The following IPCEF1 variants were observed in gnomAD, a reference collection of about 807,000 sequenced individuals.
The protein encoded by IPCEF1 is interaction protein for cytohesin exchange factors 1, also known as interactor protein for cytohesin exchange factors 1.
A neutral mutation model predicts 50.9 loss-of-function variants in IPCEF1; 31 were observed. That is an observed-to-expected ratio of 0.61 (90% confidence interval 0.46 to 0.82). IPCEF1 has a LOEUF of 0.82. Ranked by LOEUF, IPCEF1 falls within the 40% of genes least tolerant of loss-of-function variation. IPCEF1 has a pLI of 0.00. For missense variants in IPCEF1, 458 were observed against 514.0 expected (o/e 0.89, Z 1.05); for synonymous variants, 181 against 192.0 (o/e 0.94, Z 0.47).
At position 154,331,370 on chromosome 6, in the gene IPCEF1, G is replaced by GAAAGAAAGAAAGAAAGAAA. The variant is rs149419612; in HGVS notation, c.-62+25301_-62+25302insTTTCTTTCTTTCTTTCTTT. On this transcript the variant is annotated intron_variant, in intron 1 of 11. Transcript: ENST00000367220. ...GGGGAAGGAAAGAGAAAGAAAGAAA[G>GAAAGAAAGAAAGAAAGAAA]GAAAGAAAGAAAGAAAGAAAGAAAG... 8.7e-3 allele frequency among the ~76,000 whole-genome samples: 979 copies of GAAAGAAAGAAAGAAAGAAA among 111,962 alleles called. 13 individuals carry two copies. Among genetic ancestry groups the GAAAGAAAGAAAGAAAGAAA allele is most frequent in the Middle Eastern group, 0.013 (3 of 236 alleles). 73.5% of individuals were successfully genotyped at this position (111,962 alleles called of 152,430 possible).
chr6:154,229,811 G>A (rs1779583441), intron 5 of IPCEF1, among the ~76,000 whole-genome samples: 1 of 152,198 alleles, frequency 6.6e-6, no homozygotes, highest in African/African-American at 2.4e-5. Context: ...CCTAGAACTG[G>A]AAACAACCTA....
intron 1 of IPCEF1, among the ~76,000 whole-genome samples, chr6:154,326,786 G>A (rs1783531163): frequency 6.6e-6 from 1 of 152,130 alleles, no homozygotes; most frequent in South Asian, 2.1e-4. Flanking sequence ...AACAAAGCTG[G>A]AGACATTATG....
intron 7 of IPCEF1, among the ~76,000 whole-genome samples, chr6:154,215,938 T>C (rs1193321371): frequency 1.3e-5 from 2 of 152,292 alleles, no homozygotes; most frequent in Admixed American, 1.3e-4. Flanking sequence ...TTTTCACCAC[T>C]GGATTGGAAA....
rs374743291 is a variant in IPCEF1 at position 154,333,951 on chromosome 6, T to C, written c.-62+22721A>G. On this transcript the variant is annotated intron_variant, in intron 1 of 11. Transcript: ENST00000367220. ...GAGAGAGAAATAAATAAATAAAGTA[T>C]ATCCACCATCTTCATGTACAACGGA... 1.3e-4 allele frequency among the ~76,000 whole-genome samples: 20 copies of C among 152,260 alleles called. No homozygotes were observed. In the South Asian group the frequency reaches 4.1e-3, roughly 32 times the overall value.
intron 1 of IPCEF1, among the ~76,000 whole-genome samples, chr6:154,315,839 G>C (rs569597878): frequency 6.6e-6 from 1 of 151,704 alleles, no homozygotes; most frequent in African/African-American, 2.4e-5. Flanking sequence ...TTTTGGGGGG[G>C]AGCGGTGGTG....
chr6:154,247,763 C>A, intron 3 of IPCEF1: 1 of 361,672 alleles, frequency 2.8e-6, no homozygotes. Flanking sequence ...CTCACTACTA[C>A]TTTAGTTATG....
chr6:154,220,008 G>T (rs1233935533), intron 7 of IPCEF1, among the ~76,000 whole-genome samples: 1 of 151,856 alleles, frequency 6.6e-6, no homozygotes, highest in Non-Finnish European at 1.5e-5. Flanking sequence ...GTGTGTGTGT[G>T]TGTGTGTGTG....
intron 10 of IPCEF1, among the ~76,000 whole-genome samples, chr6:154,178,631 G>A (rs138064380): frequency 6.6e-6 from 1 of 151,986 alleles, no homozygotes; most frequent in African/African-American, 2.4e-5. Flanking sequence ...AACCTGTTGG[G>A]GTAACCAGAC....
intron 1 of IPCEF1, among the ~76,000 whole-genome samples, chr6:154,355,564 C>T (rs1245900560): frequency 6.6e-6 from 1 of 151,690 alleles, no homozygotes; most frequent in Non-Finnish European, 1.5e-5. Flanking sequence ...TCTCAGCTCA[C>T]TGCAACCTCC....
At chr6:154,355,092 A>C (rs1367201742) in intron 1 of IPCEF1, among the ~76,000 whole-genome samples, 1 of 151,944 alleles carries the variant, frequency 6.6e-6, no homozygotes, top group African/African-American at 2.4e-5. Flanking sequence ...CTGTACTGCA[A>C]TTATCAGCTC....
Position 154,260,657 on chromosome 6 carries a change from G to C in IPCEF1, c.36+5255C>G, listed in dbSNP as rs546564066. Among the ~76,000 whole-genome samples, 20 of 152,126 alleles carry C rather than the reference G, an allele frequency of 1.3e-4. No individual in the cohort carries two copies. In the East Asian group the frequency reaches 3.1e-3, roughly 24 times the overall value. ...CCAGCTAATTTTTGTATTTTTAGTAGAGACGGGGTTTCATCATGTTGGCCA... is the reference window on the plus strand; with the variant it reads ...CCAGCTAATTTTTGTATTTTTAGTACAGACGGGGTTTCATCATGTTGGCCA... On this transcript the variant is annotated intron_variant, in intron 3 of 11. Transcript: ENST00000367220.
At chr6:154,306,535 C>A (rs35094049) in intron 1 of IPCEF1, among the ~76,000 whole-genome samples, 4,158 of 152,290 alleles carry the variant, frequency 0.027, 91 homozygotes, top group Non-Finnish European at 0.042. Context: ...CTGTGCCCAG[C>A]CCATTAATAG....
At chr6:154,247,369 TC>T in intron 4 of IPCEF1, 79 bp downstream of exon 4, 1 of 1,128,484 alleles carries the variant, frequency 8.9e-7, no homozygotes, top group Non-Finnish European at 1.3e-6. Context: ...AGAAATCTGA[TC>T]CCAAGGAAGG....
At chr6:154,318,438 G>A (rs544945309) in intron 1 of IPCEF1, among the ~76,000 whole-genome samples, 26 of 152,052 alleles carry the variant, frequency 1.7e-4, no homozygotes, top group Non-Finnish European at 2.8e-4. Flanking sequence ...TGTAGGGTAG[G>A]ATTCATTCCA....
chr6:154,229,546 A>G (rs1225642497), intron 5 of IPCEF1, among the ~76,000 whole-genome samples: 4 of 150,476 alleles, frequency 2.7e-5, no homozygotes, highest in Admixed American at 1.3e-4. Flanking sequence ...TTTAGTAGAG[A>G]TGGGGTTCGC....
intron 9 of IPCEF1, among the ~76,000 whole-genome samples, chr6:154,206,278 T>C (rs1360266435): frequency 2.0e-5 from 3 of 152,240 alleles, no homozygotes; most frequent in Admixed American, 6.5e-5. Context: ...ATACAAGATT[T>C]CTGTGAGAGT....
At chr6:154,214,174 C>T in intron 8 of IPCEF1, 44 bp downstream of exon 8, 1 of 1,246,856 alleles carries the variant, frequency 8.0e-7, no homozygotes, top group African/African-American at 1.5e-5. Flanking sequence ...TCAACCTGTT[C>T]TAATATTCTT....
intron 1 of IPCEF1, among the ~76,000 whole-genome samples, chr6:154,303,538 TCTC>T (rs1319133289): frequency 1.3e-5 from 2 of 152,182 alleles, no homozygotes; most frequent in East Asian, 1.9e-4. Context: ...CATTCACCCT[TCTC>T]CTTTTTATCA....
At chr6:154,310,871 A>G (rs1783061296) in intron 1 of IPCEF1, among the ~76,000 whole-genome samples, 1 of 152,214 alleles carries the variant, frequency 6.6e-6, no homozygotes, top group Middle Eastern at 3.2e-3. Context: ...GGTTGGGGAA[A>G]GGGAAGATGG....
Sources: gnomAD v4.1 joint callset for allele counts (sites outside exome capture counted in the v4.1 genomes callset) on GRCh38, gnomAD v4.1.1 for gene constraint, MANE v1.5 for transcripts, NCBI Gene and HGNC (gene_info 2026-07-23, HGNC 2026-07-21) for gene names.